The following NELL1 variants were observed in gnomAD, a reference collection of about 807,000 sequenced individuals.
NELL1 encodes the protein neural EGFL like 1.
NELL1 carries 76 observed loss-of-function variants against 107.4 expected under a neutral mutation model. That is an observed-to-expected ratio of 0.71 (90% CI 0.59 to 0.86). NELL1 has a LOEUF of 0.86. Ranked by LOEUF, NELL1 falls within the 40% of genes least tolerant of loss-of-function variation. NELL1 has a pLI of 0.00. For missense variants in NELL1, 1,024 were observed against 1,005.5 expected (o/e 1.02, Z -0.25); for synonymous variants, 353 against 341.2 (o/e 1.03, Z -0.38).
At chr11:21,108,775 T>C (rs1855031286) in intron 12 of NELL1, among the ~76,000 whole-genome samples, 1 of 152,110 alleles carries the variant, frequency 6.6e-6, no homozygotes, top group Non-Finnish European at 1.5e-5. Flanking sequence ...AAGGATTTGA[T>C]TTAAAAGAGC....
chr11:21,487,645 C>T (rs1043460882), intron 15 of NELL1, among the ~76,000 whole-genome samples: 4 of 149,616 alleles, frequency 2.7e-5, no homozygotes, highest in African/African-American at 9.9e-5. Context: ...AACCAGAAAA[C>T]AATGAACAAT....
intron 15 of NELL1, among the ~76,000 whole-genome samples, chr11:21,479,135 C>T (rs1397523660): frequency 6.6e-6 from 1 of 152,008 alleles, no homozygotes; most frequent in Non-Finnish European, 1.5e-5. Context: ...TTTGGAAGCT[C>T]GTCAAAAAGT....
At chr11:20,781,776 C>G (rs2133980405) in intron 2 of NELL1, among the ~76,000 whole-genome samples, 1 of 151,186 alleles carries the variant, frequency 6.6e-6, no homozygotes, top group African/African-American at 2.4e-5. Flanking sequence ...CACTTGTAAT[C>G]CCAGCACTTT....
At chr11:21,317,834 T>C (rs1849914110) in intron 14 of NELL1, among the ~76,000 whole-genome samples, 1 of 152,194 alleles carries the variant, frequency 6.6e-6, no homozygotes, top group Non-Finnish European at 1.5e-5. Flanking sequence ...CTCAATAGAT[T>C]ATAAATCCAA....
intron 3 of NELL1, among the ~76,000 whole-genome samples, chr11:20,836,280 A>T (rs945481156): frequency 1.3e-4 from 19 of 151,980 alleles, no homozygotes; most frequent in Non-Finnish European, 1.6e-4. Context: ...CCAAAAAAAA[A>T]AAAAAACCCC....
chr11:20,857,661 A>G (rs910789448), intron 4 of NELL1, among the ~76,000 whole-genome samples: 2 of 152,220 alleles, frequency 1.3e-5, no homozygotes, highest in Non-Finnish European at 2.9e-5. Flanking sequence ...TGGGAAGTAC[A>G]TGCTCAGTCT....
rs138535444 is a variant in NELL1, at chr11:20,918,217, G to A, written c.639G>A (p.Pro213=). The stretch of plus-strand genomic sequence containing the variant: ...AAGATGGGAAGATCATCTTTATGCC[G>A]AATGGATATATAACACAGTGTCCAA... ...IIQDGKIIFM[P]NGYITQCPNL... is the part of the protein sequence containing the mutation. Residue 213 remains proline (P), a synonymous_variant, in exon 6 of 20, where the codon CCG becomes CCA. Transcript: ENST00000357134. The A allele has an allele frequency of 3.5e-4, 552 of 1,598,814 alleles. 1 individual carries two copies. Among genetic ancestry groups the A allele is most frequent in the Middle Eastern group, 1.3e-3 (8 of 6,022 alleles).
chr11:20,895,687 T>C (rs1302027359), intron 5 of NELL1, among the ~76,000 whole-genome samples: 1 of 151,890 alleles, frequency 6.6e-6, no homozygotes, highest in African/African-American at 2.4e-5. Context: ...TTTGTATTTT[T>C]AGTAGAGACG....
At chr11:21,357,635 A>G (rs561798312) in intron 14 of NELL1, among the ~76,000 whole-genome samples, 1 of 152,260 alleles carries the variant, frequency 6.6e-6, no homozygotes, top group Admixed American at 6.5e-5. Flanking sequence ...GCTGTGCAGA[A>G]GCTTTTTAGT....
intron 14 of NELL1, among the ~76,000 whole-genome samples, chr11:21,270,253 T>C (rs941589297): frequency 2.6e-5 from 4 of 151,830 alleles, no homozygotes; most frequent in Non-Finnish European, 5.9e-5. Flanking sequence ...AATATCAGAG[T>C]GGATCAAAAG....
At chr11:21,518,335 G>A (rs1164400103) in intron 15 of NELL1, among the ~76,000 whole-genome samples, 2 of 152,116 alleles carry the variant, frequency 1.3e-5, no homozygotes, top group Non-Finnish European at 2.9e-5. Flanking sequence ...CTCTCTAAAG[G>A]ATTGACTTAC....
chr11:20,721,271 G>C (rs1366205341), intron 2 of NELL1, among the ~76,000 whole-genome samples: 1 of 133,978 alleles, frequency 7.5e-6, no homozygotes, highest in Non-Finnish European at 1.6e-5. Flanking sequence ...TTGTTGTGTT[G>C]TTATGGTAGT....
chr11:20,815,105 C>T (rs1250211212), intron 3 of NELL1, among the ~76,000 whole-genome samples: 1 of 152,090 alleles, frequency 6.6e-6, no homozygotes, highest in African/African-American at 2.4e-5. Context: ...CTCTCTGTCG[C>T]CCAGGCTGGA....
chr11:21,489,642 A>G (rs948052843), intron 15 of NELL1, among the ~76,000 whole-genome samples: 1 of 152,072 alleles, frequency 6.6e-6, no homozygotes. Flanking sequence ...ATGATTCAAC[A>G]TATGCAAATC....
intron 15 of NELL1, among the ~76,000 whole-genome samples, chr11:21,407,708 T>TA (rs1554906342): frequency 1.3e-5 from 2 of 150,498 alleles, no homozygotes; most frequent in East Asian, 2.0e-4. Context: ...TTTTTTTTTT[T>TA]ACCTCATCTC....
chr11:20,845,233 C>CA (rs1848683155), intron 3 of NELL1, among the ~76,000 whole-genome samples: 1 of 152,288 alleles, frequency 6.6e-6, no homozygotes, highest in East Asian at 1.9e-4. Context: ...GACATTAGGA[C>CA]AGACTTCTTT....
At chr11:21,276,437 A>G (rs1248752003) in intron 14 of NELL1, among the ~76,000 whole-genome samples, 2 of 152,244 alleles carry the variant, frequency 1.3e-5, no homozygotes, top group Non-Finnish European at 2.9e-5. Flanking sequence ...GCTCATTGGT[A>G]GGAAGAATCA....
intron 14 of NELL1, among the ~76,000 whole-genome samples, chr11:21,345,719 C>T (rs1195918379): frequency 6.6e-6 from 1 of 152,164 alleles, no homozygotes; most frequent in Non-Finnish European, 1.5e-5. Context: ...AATCATCTTC[C>T]TAAAGATAGA....
chr11:21,211,913 C>T (rs1857505745), intron 13 of NELL1, among the ~76,000 whole-genome samples: 6 of 152,030 alleles, frequency 3.9e-5, no homozygotes, highest in South Asian at 4.1e-4. Flanking sequence ...ACAACCTCTG[C>T]CTCCTGGGTT....
Sources: allele counts gnomAD v4.1 joint callset (sites outside exome capture counted in the v4.1 genomes callset), GRCh38; gene constraint gnomAD v4.1.1; transcripts MANE v1.5; gene names NCBI Gene and HGNC (gene_info 2026-07-23, HGNC 2026-07-21).